Variants in ASIC2 observed in about 807,000 individuals in gnomAD.
ASIC2 encodes acid-sensing ion channel 2.
ASIC2 carries 25 observed loss-of-function variants against 57.3 expected under a neutral mutation model. The ratio of observed to expected loss-of-function variants is 0.44; its 90% CI spans 0.32 to 0.61. ASIC2 has a LOEUF of 0.61. ASIC2 is among the 20% of genes least tolerant of loss of function. The pLI, the probability that ASIC2 is intolerant of heterozygous loss-of-function variation, is 0.06. For missense variants in ASIC2, 641 were observed against 738.1 expected (o/e 0.87, Z 1.52); for synonymous variants, 319 against 307.5 (o/e 1.04, Z -0.39).
At chr17:33,058,677 C>T (rs180973032) in intron 3 of ASIC2, among the ~76,000 whole-genome samples, 3 of 152,126 alleles carry the variant, frequency 2.0e-5, no homozygotes, top group Non-Finnish European at 4.4e-5. Flanking sequence ...CTCTTTTTTA[C>T]ATGAAAATCT....
intron 1 of ASIC2, among the ~76,000 whole-genome samples, chr17:33,316,861 A>AT (rs1418789033): frequency 1.3e-5 from 2 of 152,158 alleles, no homozygotes; most frequent in Non-Finnish European, 2.9e-5. Flanking sequence ...CACTTTGGAG[A>AT]TTTTCCAGAC....
intron 1 of ASIC2, among the ~76,000 whole-genome samples, chr17:34,015,984 C>A (rs10438806): frequency 0.049 from 7,406 of 152,288 alleles, 608 homozygotes; most frequent in African/African-American, 0.17. Flanking sequence ...TCACAAAACT[C>A]TTTTTATATT....
At chr17:33,840,727 G>A (rs1437573023) in intron 1 of ASIC2, among the ~76,000 whole-genome samples, 1 of 151,786 alleles carries the variant, frequency 6.6e-6, no homozygotes, top group Non-Finnish European at 1.5e-5. Flanking sequence ...AGAAATAGGT[G>A]ATTGCTTTAA....
chr17:33,346,862 G>A (rs1907968710), intron 1 of ASIC2, among the ~76,000 whole-genome samples: 1 of 152,180 alleles, frequency 6.6e-6, no homozygotes, highest in South Asian at 2.1e-4. Context: ...GTGAAGTGGG[G>A]ATGAGACCTG....
At chr17:33,457,604 G>A (rs1374429622) in intron 1 of ASIC2, among the ~76,000 whole-genome samples, 1 of 152,198 alleles carries the variant, frequency 6.6e-6, no homozygotes, top group Non-Finnish European at 1.5e-5. Flanking sequence ...TATAAAGGTA[G>A]TAGTATTAGT....
chr17:33,687,664 G>A (rs1384789373), intron 1 of ASIC2, among the ~76,000 whole-genome samples: 1 of 152,140 alleles, frequency 6.6e-6, no homozygotes, highest in Non-Finnish European at 1.5e-5. Flanking sequence ...AATCCAGACA[G>A]TTCATGGGCC....
intron 1 of ASIC2, among the ~76,000 whole-genome samples, chr17:33,315,415 T>C (rs964137052): frequency 1.3e-5 from 2 of 152,224 alleles, no homozygotes; most frequent in Non-Finnish European, 2.9e-5. Flanking sequence ...TGATTATTCT[T>C]ATAAACCCTG....
chr17:33,898,999 T>C (rs1011522177), intron 1 of ASIC2, among the ~76,000 whole-genome samples: 2 of 152,116 alleles, frequency 1.3e-5, no homozygotes, highest in Non-Finnish European at 2.9e-5. Context: ...TTCATATTAA[T>C]TCCTCCGAGG....
At chr17:33,422,603 C>A (rs1911084037) in intron 1 of ASIC2, among the ~76,000 whole-genome samples, 1 of 152,174 alleles carries the variant, frequency 6.6e-6, no homozygotes, top group Non-Finnish European at 1.5e-5. Context: ...AAATGAGGGT[C>A]TTTCCTGGGA....
intron 1 of ASIC2, among the ~76,000 whole-genome samples, chr17:33,697,410 C>G (rs183693528): frequency 7.2e-5 from 11 of 152,172 alleles, no homozygotes; most frequent in Non-Finnish European, 1.5e-4. Flanking sequence ...AGAAAATCCA[C>G]ATAGAAGTTG....
At chr17:33,579,828 T>G (rs1904363875) in intron 1 of ASIC2, among the ~76,000 whole-genome samples, 2 of 152,266 alleles carry the variant, frequency 1.3e-5, no homozygotes, top group Middle Eastern at 3.4e-3. Context: ...GGCGTCTGGC[T>G]CGGGTGGGCT....
chr17:33,160,808 C>CG (rs996512769), intron 1 of ASIC2, among the ~76,000 whole-genome samples: 1 of 152,222 alleles, frequency 6.6e-6, no homozygotes, highest in South Asian at 2.1e-4. Context: ...CTGTTCATGG[C>CG]GGGGGGAGAG....
At chr17:33,314,757 G>A (rs1394459959) in intron 1 of ASIC2, among the ~76,000 whole-genome samples, 1 of 152,134 alleles carries the variant, frequency 6.6e-6, no homozygotes, top group Non-Finnish European at 1.5e-5. Flanking sequence ...AAAGACAAAT[G>A]GAAAAGAACG....
intron 1 of ASIC2, among the ~76,000 whole-genome samples, chr17:33,125,617 T>C (rs2092320041): frequency 3.3e-5 from 5 of 152,222 alleles, no homozygotes; most frequent in Admixed American, 3.3e-4. Flanking sequence ...AGGTAGTTCA[T>C]GAGCTATAAG....
rs1904815046 is a variant in ASIC2, at chr17:33,591,233, A to T, written c.556-479166T>A. Among the ~76,000 whole-genome samples the T allele has an allele frequency of 1.3e-5, 2 of 152,198 alleles. 1 individual carries two copies. Among genetic ancestry groups the T allele is most frequent in the South Asian group, 4.1e-4 (2 of 4,822 alleles). ...ACCTATAGTCAATCAAAACACAGGAAACTGTCTGACATGGTATATGATAAG... is the reference window on the plus strand; with the variant it reads ...ACCTATAGTCAATCAAAACACAGGATACTGTCTGACATGGTATATGATAAG... On this transcript the variant is annotated intron_variant, in intron 1 of 9. Coordinates refer to the ASIC2 transcript ENST00000359872.
intron 1 of ASIC2, among the ~76,000 whole-genome samples, chr17:33,558,047 A>G (rs1045991352): frequency 1.3e-5 from 2 of 151,870 alleles, no homozygotes; most frequent in Non-Finnish European, 1.5e-5. Flanking sequence ...TAAACCCAAC[A>G]TTTGGGCCTT....
chr17:33,961,957 C>T (rs1052270891), intron 1 of ASIC2, among the ~76,000 whole-genome samples: 20 of 152,166 alleles, frequency 1.3e-4, no homozygotes, highest in African/African-American at 4.3e-4. Flanking sequence ...TCAATATCAG[C>T]GTAAAACTCA....
intron 1 of ASIC2, among the ~76,000 whole-genome samples, chr17:33,242,313 C>CAA (rs34667054): frequency 4.6e-4 from 51 of 110,924 alleles, no homozygotes; most frequent in African/African-American, 1.7e-3. Flanking sequence ...GAGACTCCGT[C>CAA]AAAAAAAAAA....
chr17:33,877,886 G>A (rs1914592833), intron 1 of ASIC2, among the ~76,000 whole-genome samples: 1 of 152,322 alleles, frequency 6.6e-6, no homozygotes, highest in East Asian at 1.9e-4. Context: ...ACCTCACACA[G>A]CTGGGTACTC....
Sources: allele counts gnomAD v4.1 joint callset (sites outside exome capture counted in the v4.1 genomes callset), GRCh38; gene constraint gnomAD v4.1.1; transcripts MANE v1.5; gene names NCBI Gene and HGNC (gene_info 2026-07-23, HGNC 2026-07-21).